GALNT13: variants seen among roughly 807,000 people sequenced by gnomAD.
The protein encoded by GALNT13 is polypeptide N-acetylgalactosaminyltransferase 13, also known as UDP-GalNAc:polypeptide N-acetylgalactosaminyltransferase 13.
A neutral mutation model predicts 64.2 loss-of-function variants in GALNT13; 28 were observed. The ratio of observed to expected loss-of-function variants is 0.44; its 90% confidence interval spans 0.32 to 0.60. GALNT13 has a LOEUF of 0.60. Among genes scored for constraint, GALNT13 ranks in the 20% least tolerant of loss-of-function variants. The pLI is 0.05. For missense variants in GALNT13, 577 were observed against 669.8 expected (o/e 0.86, Z 1.53); for synonymous variants, 214 against 224.6 (o/e 0.95, Z 0.42).
chr2:154,208,281 T>A (rs1277254527), intron 4 of GALNT13, among the ~76,000 whole-genome samples: 1 of 152,174 alleles, frequency 6.6e-6, no homozygotes, highest in Non-Finnish European at 1.5e-5. Flanking sequence ...CAGACCTAGT[T>A]CTTGTTTTTT....
At chr2:154,392,053 G>A (rs1698819690) in intron 9 of GALNT13, among the ~76,000 whole-genome samples, 1 of 152,152 alleles carries the variant, frequency 6.6e-6, no homozygotes, top group South Asian at 2.1e-4. Context: ...ATAAAGCCTT[G>A]AATTGTTGAA....
intron 9 of GALNT13, among the ~76,000 whole-genome samples, chr2:154,318,875 G>A (rs763615134): frequency 3.0e-4 from 45 of 151,720 alleles, no homozygotes; most frequent in Non-Finnish European, 3.7e-4. Context: ...GTATACACAC[G>A]CGCGCGCACA....
chr2:153,558,812 G>C, the GALNT13 span, among the ~76,000 whole-genome samples: 2 of 152,114 alleles, frequency 1.3e-5, no homozygotes, highest in South Asian at 2.1e-4. Flanking sequence ...AACTCTTATG[G>C]GTCAGATAAT....
chr2:153,362,267 C>T, the GALNT13 span, among the ~76,000 whole-genome samples: 4 of 151,954 alleles, frequency 2.6e-5, no homozygotes, highest in Admixed American at 2.6e-4. Flanking sequence ...TGCAAAAACA[C>T]ACCAAAATAA....
the GALNT13 span, among the ~76,000 whole-genome samples, chr2:153,619,831 G>T: frequency 6.6e-6 from 1 of 152,018 alleles, no homozygotes; most frequent in Admixed American, 6.6e-5. Context: ...GATCTCTATT[G>T]TAGGTTATTT....
the GALNT13 span, among the ~76,000 whole-genome samples, chr2:153,153,288 T>C: frequency 3.3e-5 from 5 of 151,966 alleles, no homozygotes; most frequent in South Asian, 2.1e-4. Context: ...TCCTTATAGA[T>C]GCTGTATATT....
chr2:154,092,793 A>G (rs1359846108), intron 3 of GALNT13, among the ~76,000 whole-genome samples: 6 of 152,088 alleles, frequency 3.9e-5, no homozygotes, highest in Admixed American at 2.0e-4. Context: ...GGAAACATAT[A>G]TTGAGTGTTC....
chr2:153,968,135 C>G (rs1341683213), intron 3 of GALNT13, among the ~76,000 whole-genome samples: 1 of 152,134 alleles, frequency 6.6e-6, no homozygotes, highest in African/African-American at 2.4e-5. Flanking sequence ...TGAGACCAGC[C>G]TAGCACCAGA....
At chr2:153,293,925 T>G in the GALNT13 span, among the ~76,000 whole-genome samples, 1 of 152,014 alleles carries the variant, frequency 6.6e-6, no homozygotes, top group Non-Finnish European at 1.5e-5. Flanking sequence ...CAAACAATCC[T>G]CCCACCTCAG....
At chr2:154,241,071 C>T (rs1689459614) in intron 4 of GALNT13, among the ~76,000 whole-genome samples, 1 of 152,142 alleles carries the variant, frequency 6.6e-6, no homozygotes, top group Non-Finnish European at 1.5e-5. Context: ...CGCTGACTTG[C>T]TCCTCTCCAC....
At chr2:154,046,043 C>A (rs541936474) in intron 3 of GALNT13, among the ~76,000 whole-genome samples, 9 of 151,868 alleles carry the variant, frequency 5.9e-5, no homozygotes, top group Non-Finnish European at 1.0e-4. Flanking sequence ...TGTCGTGGCT[C>A]ATGCCTGTAA....
chr2:153,704,647 T>C, the GALNT13 span, among the ~76,000 whole-genome samples: 1 of 152,180 alleles, frequency 6.6e-6, no homozygotes, highest in Non-Finnish European at 1.5e-5. Flanking sequence ...TTGGAATGAA[T>C]GATATTTTCA....
chr2:153,137,092 T>G, the GALNT13 span, among the ~76,000 whole-genome samples: 1 of 152,112 alleles, frequency 6.6e-6, no homozygotes, highest in Non-Finnish European at 1.5e-5. Flanking sequence ...TGTGTTTATT[T>G]TATTCCCAGT....
At chr2:154,418,645 G>T (rs1291241882) in intron 11 of GALNT13, among the ~76,000 whole-genome samples, 1 of 152,072 alleles carries the variant, frequency 6.6e-6, no homozygotes, top group Non-Finnish European at 1.5e-5. Flanking sequence ...TTGGACTTCT[G>T]GCCTCCTGAA....
At chr2:154,169,455 A>G (rs539662029) in intron 4 of GALNT13, among the ~76,000 whole-genome samples, 1 of 152,332 alleles carries the variant, frequency 6.6e-6, no homozygotes, top group Non-Finnish European at 1.5e-5. Context: ...ATTAGCCAGC[A>G]GCAGCATACC....
chr2:154,433,260 T>C (rs1166833633), intron 11 of GALNT13, among the ~76,000 whole-genome samples: 2 of 152,124 alleles, frequency 1.3e-5, no homozygotes, highest in Admixed American at 6.5e-5. Context: ...TGCCTAAGGT[T>C]AGCCTGCCTC....
chr2:153,626,634 T>C, the GALNT13 span, among the ~76,000 whole-genome samples: 1 of 152,262 alleles, frequency 6.6e-6, no homozygotes, highest in South Asian at 2.1e-4. Flanking sequence ...CTTTAAATAC[T>C]GTATAGTTTA....
the GALNT13 span, among the ~76,000 whole-genome samples, chr2:153,688,315 G>A: frequency 1.3e-5 from 2 of 151,828 alleles, no homozygotes; most frequent in Non-Finnish European, 2.9e-5. Flanking sequence ...AACTTCTTTT[G>A]GGAGAAAACT....
At chr2:153,649,643 T>C in the GALNT13 span, among the ~76,000 whole-genome samples, 1 of 152,142 alleles carries the variant, frequency 6.6e-6, no homozygotes, top group African/African-American at 2.4e-5. Flanking sequence ...TAAATGTGTC[T>C]GATAGATTCT....
Sources: allele counts gnomAD v4.1 joint callset (sites outside exome capture counted in the v4.1 genomes callset), GRCh38; gene constraint gnomAD v4.1.1; transcripts MANE v1.5; gene names NCBI Gene and HGNC (gene_info 2026-07-23, HGNC 2026-07-21).